Variants in ALCAM observed in about 807,000 individuals in gnomAD.
ALCAM encodes the protein CD166 antigen.
ALCAM carries 30 observed loss-of-function variants against 70.9 expected under a neutral mutation model. That is an observed-to-expected ratio of 0.42 (90% CI 0.32 to 0.57). ALCAM has a LOEUF of 0.57. Among genes scored for constraint, ALCAM ranks in the 20% least tolerant of loss-of-function variants. The pLI, the probability that ALCAM is intolerant of heterozygous loss-of-function variation, is 0.11. For missense variants in ALCAM, 591 were observed against 695.1 expected, an observed-to-expected ratio of 0.85 and a Z score of 1.68; for synonymous variants, 249 against 242.5, an observed-to-expected ratio of 1.03 and a Z score of -0.25.
intron 1 of ALCAM, among the ~76,000 whole-genome samples, chr3:105,367,975 G>C (rs1935112366): frequency 6.6e-6 from 1 of 151,882 alleles, no homozygotes; most frequent in South Asian, 2.1e-4. Context: ...AGAAGGAGAG[G>C]ACTTTAATCA....
intron 9 of ALCAM, among the ~76,000 whole-genome samples, 161 bp downstream of exon 9, chr3:105,545,496 A>C (rs181700358): frequency 1.3e-3 from 198 of 151,514 alleles, no homozygotes; most frequent in Non-Finnish European, 1.6e-3. Context: ...ATAACAATAA[A>C]ATTTTAGAGG....
intron 14 of ALCAM, among the ~76,000 whole-genome samples, chr3:105,562,743 A>G (rs568690080): frequency 1.5e-4 from 23 of 152,294 alleles, no homozygotes; most frequent in Non-Finnish European, 3.2e-4. Context: ...AACTAACTGG[A>G]CCTTGAGTTT....
chr3:105,478,758 A>G (rs893705537), intron 1 of ALCAM, among the ~76,000 whole-genome samples: 2 of 152,206 alleles, frequency 1.3e-5, no homozygotes, highest in Non-Finnish European at 2.9e-5. Flanking sequence ...GTATACATTT[A>G]TAATACTTAA....
At chr3:105,510,716 C>T (rs891465862) in intron 1 of ALCAM, among the ~76,000 whole-genome samples, 34 of 152,156 alleles carry the variant, frequency 2.2e-4, no homozygotes, top group Admixed American at 1.6e-3. Context: ...TGTAATCAGT[C>T]TACAGGTGCC....
intron 1 of ALCAM, among the ~76,000 whole-genome samples, chr3:105,414,416 AAAAC>A (rs1426570668): frequency 1.3e-5 from 2 of 152,090 alleles, no homozygotes; most frequent in African/African-American, 2.4e-5. Context: ...CCCTGCCTCA[AAAAC>A]AAACAAACAA....
chr3:105,492,236 A>G (rs1021132502), intron 1 of ALCAM, among the ~76,000 whole-genome samples: 1 of 152,280 alleles, frequency 6.6e-6, no homozygotes, highest in East Asian at 1.9e-4. Flanking sequence ...TATGGAGGTA[A>G]CCGCCCCCAT....
At chr3:105,455,591 G>A (rs1937525622) in intron 1 of ALCAM, among the ~76,000 whole-genome samples, 1 of 152,174 alleles carries the variant, frequency 6.6e-6, no homozygotes, top group Non-Finnish European at 1.5e-5. Flanking sequence ...CTCTGGAGGT[G>A]GAGCTCAGAT....
intron 1 of ALCAM, among the ~76,000 whole-genome samples, chr3:105,406,294 TA>T (rs1936227886): frequency 6.6e-6 from 1 of 152,188 alleles, no homozygotes; most frequent in Non-Finnish European, 1.5e-5. Flanking sequence ...GAAGTTTCTT[TA>T]GACCCACAAT....
rs1044240 is a variant in ALCAM at position 105,540,017 on chromosome 3, A to G, written c.773A>G (p.Asn258Ser). Residue 258 changes from asparagine (N) to serine (S), a missense_variant, in exon 7 of 16, where the codon AAT becomes AGT. Asn to Ser is a conservative substitution (Grantham distance 46). Around this residue, in one of 2 missense-constraint regions of ALCAM, gnomAD observed 427 missense variants for 450.4 expected, o/e 0.95. Coordinates refer to ENST00000306107, the MANE Select transcript of ALCAM (RefSeq NM_001627.4). ...QVTIQVLPPKNAIKEGDNITL... is the reference protein window; with the variant it reads ...QVTIQVLPPKSAIKEGDNITL... Reference sequence around the variant, plus strand: ...ACAATACAAGTGCTGCCACCAAAAAATGCCATCAAAGAAGGGGATAACATC... The same window carrying G: ...ACAATACAAGTGCTGCCACCAAAAAGTGCCATCAAAGAAGGGGATAACATC... The G allele has an allele frequency of 0.16, 253,381 of 1,611,120 alleles. 21,775 individuals are homozygous for G. The highest frequency in any genetic ancestry group is 0.17 in the Non-Finnish European group (205,241 of 1,178,034).
rs1940927480 is a variant in ALCAM, at chr3:105,574,854, T to C, written c.*403T>C. The C allele has an allele frequency of 6.6e-6, 1 of 152,640 alleles. No homozygotes were observed. The allele number at this position is 152,640 out of a possible 1,614,324, so 9.5% of individuals were successfully genotyped here. ...ATGTAATGTTTTTATTTCAATTGTT[T>C]ATATGGATAATCTGAGCAGGTACAT... On this transcript the variant is annotated 3_prime_UTR_variant, in exon 16 of 16. Transcript: ENST00000306107.
chr3:105,441,497 GA>G (rs1937169216), intron 1 of ALCAM, among the ~76,000 whole-genome samples: 1 of 152,118 alleles, frequency 6.6e-6, no homozygotes, highest in South Asian at 2.1e-4. Context: ...TCAATTGAAA[GA>G]AAAAGTCTTC....
At position 105,526,048 on chromosome 3, in the gene ALCAM, GT is replaced by G. The variant is rs529844598; in HGVS notation, c.394+1546del. On this transcript the variant is annotated intron_variant, in intron 3 of 15. Coordinates refer to ENST00000306107, the MANE Select transcript of ALCAM (RefSeq NM_001627.4). Reference sequence around the variant, plus strand: ...CTTTTCTAAAGCGAGTAATCAAAAAGTTTTTTGGTGATAGTTATAATGTCAT... The same window carrying G: ...CTTTTCTAAAGCGAGTAATCAAAAAGTTTTTGGTGATAGTTATAATGTCAT... Among the ~76,000 whole-genome samples the G allele has an allele frequency of 2.1e-3, 315 of 152,226 alleles. 2 individuals are homozygous for G. The highest frequency in any genetic ancestry group is 7.4e-3 in the African/African-American group (306 of 41,534).
intron 4 of ALCAM, among the ~76,000 whole-genome samples, chr3:105,532,290 A>T (rs999739903): frequency 1.3e-5 from 2 of 152,124 alleles, no homozygotes; most frequent in Non-Finnish European, 2.9e-5. Context: ...TGAAAAGAGG[A>T]GTCTTTCTCA....
chr3:105,409,382 A>C (rs1936330231), intron 1 of ALCAM, among the ~76,000 whole-genome samples: 1 of 152,180 alleles, frequency 6.6e-6, no homozygotes, highest in South Asian at 2.1e-4. Context: ...AGCCATAAAA[A>C]GGAAGGAAAT....
rs185172140 is a variant in ALCAM, at chr3:105,508,365, G to T, written c.74-11702G>T. 1.3e-4 allele frequency among the ~76,000 whole-genome samples: 20 copies of T among 152,198 alleles called. No individual in the cohort carries two copies. In the East Asian group the frequency reaches 3.3e-3, roughly 25 times the overall value. On this transcript the variant is annotated intron_variant, in intron 1 of 15. Transcript: ENST00000306107. ...TGAGCTCTATCTCCATCACATACTG[G>T]CTTCGTGATATTGGCTTATTCTCTT...
At chr3:105,517,415 C>T (rs185853982) in intron 1 of ALCAM, among the ~76,000 whole-genome samples, 6 of 152,168 alleles carry the variant, frequency 3.9e-5, no homozygotes, top group East Asian at 1.9e-4. Context: ...TCTTTGTGTT[C>T]GTCCTGCTCT....
intron 1 of ALCAM, among the ~76,000 whole-genome samples, chr3:105,465,906 T>A (rs917062931): frequency 6.6e-6 from 1 of 151,320 alleles, no homozygotes; most frequent in Non-Finnish European, 1.5e-5. Flanking sequence ...ACACAAGGAA[T>A]GATACAGCAA....
chr3:105,509,356 A>G (rs1272886209), intron 1 of ALCAM, among the ~76,000 whole-genome samples: 5 of 152,032 alleles, frequency 3.3e-5, no homozygotes, highest in Admixed American at 3.3e-4. Context: ...CCTTTTCTCT[A>G]CATCCTCATC....
chr3:105,489,270 T>C (rs1938515872), intron 1 of ALCAM, among the ~76,000 whole-genome samples: 1 of 152,166 alleles, frequency 6.6e-6, no homozygotes. Flanking sequence ...TCTTAGAGGG[T>C]GCGGTGCCGA....
Sources: gnomAD v4.1 joint callset for allele counts (sites outside exome capture counted in the v4.1 genomes callset) on GRCh38, gnomAD v4.1.1 for gene constraint, gnomAD v4.1.1 regional missense constraint, MANE v1.5 for transcripts, NCBI Gene and HGNC (gene_info 2026-07-23, HGNC 2026-07-21) for gene names.